ASTN2: variants seen among roughly 807,000 people sequenced by gnomAD.
The protein encoded by ASTN2 is astrotactin-2.
Under a neutral mutation model 139.8 loss-of-function variants are expected in ASTN2, and 54 were observed. The ratio of observed to expected loss-of-function variants is 0.39; its 90% CI spans 0.31 to 0.48. ASTN2 has a LOEUF of 0.48. Ranked by LOEUF, ASTN2 falls within the 20% of genes least tolerant of loss-of-function variation. The pLI is 0.95. For synonymous variants in ASTN2, 756 were observed against 719.5 expected (o/e 1.05, Z -0.81); for missense variants, 1,565 against 1,725.1 (o/e 0.91, Z 1.64).
At chr9:116,477,872 A>G (rs1849037664) in intron 20 of ASTN2, among the ~76,000 whole-genome samples, 1 of 145,464 alleles carries the variant, frequency 6.9e-6, no homozygotes, top group East Asian at 2.1e-4. Flanking sequence ...AAAAAAAAAA[A>G]AAATGAAAGA....
At chr9:116,680,306 A>C (rs1438176444) in intron 16 of ASTN2, among the ~76,000 whole-genome samples, 2 of 152,102 alleles carry the variant, frequency 1.3e-5, no homozygotes, top group Non-Finnish European at 1.5e-5. Context: ...CACATACACC[A>C]TCCCAAGACT....
chr9:117,396,941 CT>C (rs58488186), intron 1 of ASTN2, among the ~76,000 whole-genome samples: 74,757 of 111,018 alleles, frequency 0.67, 23,218 homozygotes, highest in East Asian at 0.76. Context: ...TCCACTCAAG[CT>C]TTTTTTTTTT....
intron 19 of ASTN2, among the ~76,000 whole-genome samples, chr9:116,565,215 A>AACACACACACAC (rs59415099): frequency 7.4e-6 from 1 of 134,268 alleles, no homozygotes; most frequent in Non-Finnish European, 1.6e-5. Context: ...GCTTGCCACA[A>AACACACACACAC]ACACACACAC....
chr9:117,165,146 C>A (rs1830640989), intron 3 of ASTN2, among the ~76,000 whole-genome samples: 1 of 151,990 alleles, frequency 6.6e-6, no homozygotes, highest in African/African-American at 2.4e-5. Context: ...GGCCTCTCAA[C>A]ACACCTCCCT....
At chr9:116,505,941 A>G in intron 19 of ASTN2, among the ~76,000 whole-genome samples, 1 of 152,022 alleles carries the variant, frequency 6.6e-6, no homozygotes, top group East Asian at 1.9e-4. Flanking sequence ...CACACCCTCA[A>G]AGAGGTTTGT....
chr9:116,728,983 G>T lies in ASTN2; in HGVS notation c.2626+9C>A. 8 of 1,574,260 alleles carry T rather than the reference G, an allele frequency of 5.1e-6. No homozygotes were observed. The highest frequency in any genetic ancestry group is 6.0e-6 in the Non-Finnish European group (7 of 1,158,136). ...CAAGTCCCCTGGCTGCCCAGGCAGT[G>T]GTCCTCACCTGCTGCGAGGGTGATG... On this transcript the variant is annotated intron_variant, in intron 15 of 22. Coordinates refer to ENST00000313400, the MANE Select transcript of ASTN2 (RefSeq NM_001365068.1).
intron 17 of ASTN2, among the ~76,000 whole-genome samples, chr9:116,637,297 CT>C (rs1390883694): frequency 1.3e-5 from 2 of 152,166 alleles, no homozygotes; most frequent in Non-Finnish European, 2.9e-5. Flanking sequence ...AAGACTGTCA[CT>C]TAGAATTGGA....
intron 13 of ASTN2, among the ~76,000 whole-genome samples, chr9:116,805,365 T>C (rs928060863): frequency 3.3e-5 from 5 of 152,192 alleles, no homozygotes; most frequent in African/African-American, 9.7e-5. Flanking sequence ...ACTGTACTTA[T>C]ATGATAATTT....
intron 19 of ASTN2, among the ~76,000 whole-genome samples, chr9:116,562,910 G>T (rs928598214): frequency 2.0e-5 from 3 of 152,088 alleles, no homozygotes; most frequent in Non-Finnish European, 2.9e-5. Flanking sequence ...TGCCTACTCT[G>T]AGCCAGAAAG....
intron 3 of ASTN2, among the ~76,000 whole-genome samples, chr9:117,151,185 T>G (rs1447997399): frequency 2.0e-5 from 3 of 151,794 alleles, no homozygotes; most frequent in African/African-American, 7.3e-5. Context: ...AAAAAACAAG[T>G]AACAAAAATC....
At chr9:116,764,720 C>T (rs1490028672) in intron 13 of ASTN2, among the ~76,000 whole-genome samples, 1 of 151,954 alleles carries the variant, frequency 6.6e-6, no homozygotes, top group East Asian at 1.9e-4. Context: ...TTTCTTAATC[C>T]CTGCCTTCAA....
At chr9:116,508,037 T>A (rs1195399997) in intron 19 of ASTN2, among the ~76,000 whole-genome samples, 1 of 152,128 alleles carries the variant, frequency 6.6e-6, no homozygotes, top group East Asian at 1.9e-4. Context: ...TAAAGGCATA[T>A]GCCACCATGC....
At chr9:116,990,175 T>A (rs957419154) in intron 7 of ASTN2, among the ~76,000 whole-genome samples, 1 of 151,882 alleles carries the variant, frequency 6.6e-6, no homozygotes, top group Non-Finnish European at 1.5e-5. Context: ...GAAGATGAAA[T>A]AAGACATGGC....
At position 116,699,675 on chromosome 9, in the gene ASTN2, T is replaced by C; in HGVS notation, c.2806+26096A>G. On this transcript the variant is annotated intron_variant, in intron 16 of 22. Transcript: ENST00000313400. This position sits in a 1 kb window ranked among gnomAD's most constrained non-coding sequence, Gnocchi z 4.2. ...GGATCATTGCATCAAGATCTACAGCTACCATCTGAGAAGATATTCCACCCC... is the reference window on the plus strand; with the variant it reads ...GGATCATTGCATCAAGATCTACAGCCACCATCTGAGAAGATATTCCACCCC... 1.2e-6 allele frequency: 2 copies of C among 1,614,216 alleles called. No homozygotes were observed. Among genetic ancestry groups the C allele is most frequent in the Non-Finnish European group, 1.7e-6 (2 of 1,180,040 alleles).
At chr9:117,257,498 T>C (rs79148969) in intron 2 of ASTN2, among the ~76,000 whole-genome samples, 6,180 of 152,338 alleles carry the variant, frequency 0.041, 416 homozygotes, top group African/African-American at 0.14. Flanking sequence ...ACTAGAGCCA[T>C]GCAAGCTGAA....
chr9:116,716,611 C>A (rs897617667), intron 16 of ASTN2, among the ~76,000 whole-genome samples: 5 of 152,180 alleles, frequency 3.3e-5, no homozygotes, highest in African/African-American at 9.7e-5. Context: ...TCACTGCATT[C>A]TTTTCCACTG....
At chr9:116,561,872 T>G (rs1388305786) in intron 19 of ASTN2, 1 of 152,246 alleles carries the variant, frequency 6.6e-6, no homozygotes, top group Admixed American at 6.5e-5. Context: ...CCCCTTTTCA[T>G]TCCCTTGACT....
chr9:116,587,466 T>C (rs1327893317), intron 19 of ASTN2, among the ~76,000 whole-genome samples: 1 of 152,130 alleles, frequency 6.6e-6, no homozygotes, highest in Non-Finnish European at 1.5e-5. Flanking sequence ...GACTCAGGGT[T>C]AGACAACCTA....
intron 5 of ASTN2, among the ~76,000 whole-genome samples, chr9:117,086,939 C>A (rs1464374730): frequency 6.6e-6 from 1 of 152,168 alleles, no homozygotes; most frequent in Admixed American, 6.5e-5. Context: ...TCCCATGTTA[C>A]TCTGGCTACA....
Sources: gnomAD v4.1 joint callset for allele counts (sites outside exome capture counted in the v4.1 genomes callset) on GRCh38, gnomAD v4.1.1 for gene constraint, Gnocchi (gnomAD v3.1) non-coding constraint, MANE v1.5 for transcripts, NCBI Gene and HGNC (gene_info 2026-07-23, HGNC 2026-07-21) for gene names.